ADAMTS12: variants seen among roughly 807,000 people sequenced by gnomAD.
ADAMTS12 encodes the protein A disintegrin and metalloproteinase with thrombospondin motifs 12.
Under a neutral mutation model 167.8 loss-of-function variants are expected in ADAMTS12, and 118 were observed. The observed-to-expected ratio is 0.70, with a 90% CI of 0.61 to 0.82. ADAMTS12 has a LOEUF of 0.82. ADAMTS12 is among the 40% of genes least tolerant of loss of function. The pLI, the probability that ADAMTS12 is intolerant of heterozygous loss-of-function variation, is 0.00. For missense variants in ADAMTS12, 1,916 were observed against 1,998.8 expected (o/e 0.96, Z 0.79); for synonymous variants, 704 against 716.9 (o/e 0.98, Z 0.29).
At chr5:33,863,561 A>T (rs1749701705) in intron 2 of ADAMTS12, among the ~76,000 whole-genome samples, 1 of 152,202 alleles carries the variant, frequency 6.6e-6, no homozygotes, top group South Asian at 2.1e-4. Flanking sequence ...ACAATAACAC[A>T]AACAAATGGA....
chr5:33,696,354 G>C (rs1264749188), intron 3 of ADAMTS12, among the ~76,000 whole-genome samples: 1 of 150,360 alleles, frequency 6.7e-6, no homozygotes, highest in Non-Finnish European at 1.5e-5. Context: ...CCGGGAGGCA[G>C]AGCTTGCAGT....
intron 3 of ADAMTS12, among the ~76,000 whole-genome samples, chr5:33,699,643 G>A (rs146339537): frequency 1.5e-3 from 229 of 152,212 alleles, no homozygotes; most frequent in African/African-American, 5.4e-3. Flanking sequence ...TTTTGGTGGT[G>A]GTCGTACCAC....
At chr5:33,611,632 CA>C (rs1738733932) in intron 16 of ADAMTS12, among the ~76,000 whole-genome samples, 1 of 152,112 alleles carries the variant, frequency 6.6e-6, no homozygotes, top group Non-Finnish European at 1.5e-5. Flanking sequence ...AAATTTCACA[CA>C]GAAATTAAAA....
At chr5:33,702,483 G>A (rs1030495180) in intron 3 of ADAMTS12, among the ~76,000 whole-genome samples, 2 of 152,192 alleles carry the variant, frequency 1.3e-5, no homozygotes, top group African/African-American at 4.8e-5. Flanking sequence ...AGACAGGAGT[G>A]TAAGTCAAAC....
At chr5:33,821,390 T>C (rs1747861765) in intron 2 of ADAMTS12, among the ~76,000 whole-genome samples, 1 of 152,210 alleles carries the variant, frequency 6.6e-6, no homozygotes, top group South Asian at 2.1e-4. Flanking sequence ...CTCTATTTTT[T>C]GGCATTTAGT....
chr5:33,787,671 T>C (rs1272505014), intron 2 of ADAMTS12, among the ~76,000 whole-genome samples: 1 of 152,182 alleles, frequency 6.6e-6, no homozygotes, highest in African/African-American at 2.4e-5. Flanking sequence ...TAGCAGGCCA[T>C]TTTTAAAAAG....
chr5:33,768,605 T>C (rs1017836087), intron 2 of ADAMTS12, among the ~76,000 whole-genome samples: 1 of 152,192 alleles, frequency 6.6e-6, no homozygotes, highest in African/African-American at 2.4e-5. Context: ...ATAGGACTTA[T>C]AGCTTAATTG....
chr5:33,592,537 C>T (rs2112022178), intron 17 of ADAMTS12, among the ~76,000 whole-genome samples: 1 of 152,302 alleles, frequency 6.6e-6, no homozygotes. Flanking sequence ...TAACCTCTTT[C>T]TGGAGTCAGA....
chr5:33,776,630 C>G (rs1278195497), intron 2 of ADAMTS12, among the ~76,000 whole-genome samples: 2 of 151,916 alleles, frequency 1.3e-5, no homozygotes, highest in African/African-American at 4.8e-5. Context: ...AGAAAAATCT[C>G]AAACAACCTA....
chr5:33,717,776 G>C (rs547719801), intron 3 of ADAMTS12, among the ~76,000 whole-genome samples: 3 of 152,142 alleles, frequency 2.0e-5, no homozygotes, highest in African/African-American at 7.2e-5. Flanking sequence ...GCCCATAAAT[G>C]ATGAACAATA....
intron 1 of ADAMTS12, among the ~76,000 whole-genome samples, chr5:33,887,882 C>G (rs1750693265): frequency 6.6e-6 from 1 of 151,934 alleles, no homozygotes; most frequent in Non-Finnish European, 1.5e-5. Context: ...GTAGTTGGGA[C>G]TACAGGCATG....
intron 2 of ADAMTS12, among the ~76,000 whole-genome samples, chr5:33,763,475 A>G (rs758269500): frequency 1.3e-4 from 20 of 152,308 alleles, no homozygotes; most frequent in Admixed American, 4.6e-4. Context: ...TTGATTTTTG[A>G]CTTCTGACCC....
intron 2 of ADAMTS12, among the ~76,000 whole-genome samples, chr5:33,823,929 G>A (rs1315799796): frequency 1.3e-5 from 2 of 151,964 alleles, no homozygotes; most frequent in East Asian, 3.8e-4. Context: ...TTGGTTAATT[G>A]GACTGTGGTG....
At chr5:33,548,569 T>C (rs543230454) in intron 21 of ADAMTS12, among the ~76,000 whole-genome samples, 6 of 152,240 alleles carry the variant, frequency 3.9e-5, no homozygotes, top group African/African-American at 1.4e-4. Flanking sequence ...GTTTTAGCTG[T>C]TGAGATATTT....
At chr5:33,751,181 G>T in intron 3 of ADAMTS12, 1 of 549,774 alleles carries the variant, frequency 1.8e-6, no homozygotes, top group Non-Finnish European at 3.2e-6. Context: ...TTAAGAATAT[G>T]CAGAGACTCG....
intron 19 of ADAMTS12, among the ~76,000 whole-genome samples, chr5:33,571,566 A>G (rs1021760781): frequency 5.3e-5 from 8 of 152,274 alleles, no homozygotes; most frequent in Admixed American, 4.6e-4. Context: ...AAGACACCAC[A>G]TACCAGAATC....
chr5:33,562,923 C>T lies in ADAMTS12; in HGVS notation c.3973-1744G>A, dbSNP rs566176994. Among the ~76,000 whole-genome samples, 57 of 152,146 alleles carry T rather than the reference C, an allele frequency of 3.7e-4. No homozygotes were observed. In the South Asian group the frequency reaches 5.0e-3, roughly 13 times the overall value. ...CTGGGATTACAGGCATGAGTCACCA[C>T]GCCTGGCCTTCACTCTCCATATAAT... On this transcript the variant is annotated intron_variant, in intron 19 of 23. Coordinates refer to ENST00000504830, the MANE Select transcript of ADAMTS12 (RefSeq NM_030955.4).
rs1225576284 is a variant in ADAMTS12 at position 33,577,037 on chromosome 5, G to A, written c.2989C>T (p.Pro997Ser). ...SRALCGLQQC[P>S]SSRRVLKPNK... Reference sequence around the variant, plus strand: ...GGTTTCAGAACTCTCCGGCTAGAAGGGCATTGCTGGAGGCCACACAGAGCT... The same window carrying A: ...GGTTTCAGAACTCTCCGGCTAGAAGAGCATTGCTGGAGGCCACACAGAGCT... Residue 997 changes from proline to serine, a missense_variant, in exon 19 of 24, where the codon CCT becomes TCT. Physicochemically the swap from Pro to Ser is moderately conservative, Grantham distance 74. Transcript: ENST00000504830. 1 of 1,614,046 alleles carries A rather than the reference G, an allele frequency of 6.2e-7. No individual in the cohort carries two copies. The highest frequency in any genetic ancestry group is 1.3e-5 in the African/African-American group (1 of 74,912).
intron 3 of ADAMTS12, among the ~76,000 whole-genome samples, chr5:33,717,353 G>A (rs933997675): frequency 6.6e-6 from 1 of 152,152 alleles, no homozygotes; most frequent in Non-Finnish European, 1.5e-5. Flanking sequence ...GAATAGTTAA[G>A]TGAAAAGTAT....
Sources: gnomAD v4.1 joint callset for allele counts (sites outside exome capture counted in the v4.1 genomes callset) on GRCh38, gnomAD v4.1.1 for gene constraint, MANE v1.5 for transcripts, NCBI Gene and HGNC (gene_info 2026-07-23, HGNC 2026-07-21) for gene names.